Variants in CTNNA2 observed in about 807,000 individuals in gnomAD.
CTNNA2 encodes the protein catenin alpha-2.
A neutral mutation model predicts 101.0 loss-of-function variants in CTNNA2; 42 were observed. The ratio of observed to expected loss-of-function variants is 0.42; its 90% CI spans 0.32 to 0.54. The LOEUF is 0.54. Among genes scored for constraint, CTNNA2 ranks in the 20% least tolerant of loss-of-function variants. The probability of loss-of-function intolerance (pLI) is 0.14; values close to 1 mark genes in which losing one functional copy is unlikely to be tolerated. For synonymous variants in CTNNA2, 450 were observed against 456.4 expected, an observed-to-expected ratio of 0.99 and a Z score of 0.18; for missense variants, 871 against 1,223.1, an observed-to-expected ratio of 0.71 and a Z score of 4.29.
At position 79,858,089 on chromosome 2, in the gene CTNNA2, G is replaced by A; in HGVS notation, c.375G>A (p.Arg125=). The change falls in exon 4 of 19, where the codon CGG becomes CGA. Residue 125 remains arginine (R), a synonymous_variant. Coordinates refer to ENST00000402739, the MANE Select transcript of CTNNA2 (RefSeq NM_001282597.3). ...CSSVKRGTMV[R]AARALLSAVT... ...CGGTAAAGCGCGGCACCATGGTACG[G>A]GCGGCAAGGGCTTTGCTCTCCGCGG... The A allele has an allele frequency of 6.2e-7, 1 of 1,614,078 alleles. No individual in the cohort carries two copies.
rs138561856 is a variant in CTNNA2, at chr2:80,013,189, A to G, written c.1056+103392A>G. On this transcript the variant is annotated intron_variant, in intron 7 of 18. Coordinates refer to ENST00000402739, the MANE Select transcript of CTNNA2 (RefSeq NM_001282597.3). ...TAAAAAAGAAAAAAAAGTCCAAAAC[A>G]GTCTCAAAGAGGCCTGCAAACCCCT... Among the ~76,000 whole-genome samples, 361 of 152,228 alleles carry G rather than the reference A, an allele frequency of 2.4e-3. 3 individuals are homozygous for G. Among genetic ancestry groups the G allele is most frequent in the African/African-American group, 7.8e-3 (324 of 41,548 alleles).
intron 7 of CTNNA2, among the ~76,000 whole-genome samples, chr2:80,090,802 A>C (rs1224704901): frequency 6.6e-6 from 1 of 152,080 alleles, no homozygotes; most frequent in Admixed American, 6.6e-5. Context: ...TCACATAATG[A>C]ATTGAGCCTG....
At chr2:80,502,383 T>G (rs1687943452) in intron 9 of CTNNA2, among the ~76,000 whole-genome samples, 1 of 152,174 alleles carries the variant, frequency 6.6e-6, no homozygotes, top group South Asian at 2.1e-4. Context: ...TCCTTTTTCT[T>G]CCCAGAGTCC....
chr2:79,243,946 ACCTTT>A (rs1209568005), intron 2 of CTNNA2, among the ~76,000 whole-genome samples: 1 of 152,122 alleles, frequency 6.6e-6, no homozygotes, highest in African/African-American at 2.4e-5. Flanking sequence ...AGCTGCTTAT[ACCTTT>A]CCTTTCTGTT....
intron 7 of CTNNA2, among the ~76,000 whole-genome samples, chr2:80,238,929 T>G (rs1288587306): frequency 6.6e-6 from 1 of 152,196 alleles, no homozygotes; most frequent in Admixed American, 6.5e-5. Flanking sequence ...CTGGGAGGCT[T>G]AATATAGTCC....
chr2:80,420,733 G>A (rs941421727), intron 9 of CTNNA2, among the ~76,000 whole-genome samples: 5 of 151,968 alleles, frequency 3.3e-5, no homozygotes, highest in African/African-American at 7.3e-5. Context: ...CAGGTGCCTC[G>A]GGCTGAAGTC....
intron 2 of CTNNA2, among the ~76,000 whole-genome samples, chr2:79,715,329 G>A (rs2104831133): frequency 6.6e-6 from 1 of 152,090 alleles, no homozygotes; most frequent in East Asian, 1.9e-4. Context: ...GGACTGTCAT[G>A]GAAAAGCACT....
At chr2:80,542,244 T>C (rs1691631231) in intron 9 of CTNNA2, among the ~76,000 whole-genome samples, 2 of 111,336 alleles carry the variant, frequency 1.8e-5, no homozygotes, top group African/African-American at 8.3e-5. Context: ...TTTATTTACA[T>C]ATTTATGTGT....
intron 12 of CTNNA2, among the ~76,000 whole-genome samples, chr2:80,572,273 C>T (rs941911609): frequency 3.3e-5 from 5 of 152,170 alleles, no homozygotes; most frequent in Admixed American, 3.3e-4. Context: ...GTGTATTTAT[C>T]AGCAATATGG....
intron 9 of CTNNA2, among the ~76,000 whole-genome samples, chr2:80,500,002 G>A (rs1687755660): frequency 6.6e-6 from 1 of 150,540 alleles, no homozygotes; most frequent in Non-Finnish European, 1.5e-5. Context: ...ACAAATCCTT[G>A]CCATGTAAGT....
chr2:79,921,925 A>G (rs1232927754), intron 7 of CTNNA2, among the ~76,000 whole-genome samples: 1 of 152,160 alleles, frequency 6.6e-6, no homozygotes, highest in Non-Finnish European at 1.5e-5. Context: ...TTAAAAACAC[A>G]TATTCCAGGT....
chr2:79,716,523 C>T (rs1000261268), intron 2 of CTNNA2, among the ~76,000 whole-genome samples: 4 of 152,150 alleles, frequency 2.6e-5, no homozygotes, highest in Non-Finnish European at 1.5e-5. Flanking sequence ...GTGTTCTCAT[C>T]GTTCAGCTCC....
chr2:80,580,397 C>G (rs1695425117), intron 13 of CTNNA2, among the ~76,000 whole-genome samples: 1 of 152,086 alleles, frequency 6.6e-6, no homozygotes, highest in African/African-American at 2.4e-5. Context: ...AATTTTATAA[C>G]TTCAGTTCTT....
intron 7 of CTNNA2, among the ~76,000 whole-genome samples, chr2:80,147,617 C>T (rs1428077620): frequency 2.0e-5 from 3 of 152,136 alleles, no homozygotes; most frequent in African/African-American, 4.8e-5. Flanking sequence ...TCAGCAAAGT[C>T]CTGTTGAGAT....
At chr2:79,877,574 G>C (rs1014539660) in intron 6 of CTNNA2, among the ~76,000 whole-genome samples, 1 of 151,988 alleles carries the variant, frequency 6.6e-6, no homozygotes, top group Non-Finnish European at 1.5e-5. Context: ...ACTTGAAATT[G>C]ATTTTGAATT....
At chr2:80,198,587 A>T (rs771383282) in intron 7 of CTNNA2, among the ~76,000 whole-genome samples, 1 of 152,142 alleles carries the variant, frequency 6.6e-6, no homozygotes, top group African/African-American at 2.4e-5. Context: ...TCAACATTCA[A>T]TGTGTGAGAC....
chr2:80,103,434 T>C (rs888802346), intron 7 of CTNNA2, among the ~76,000 whole-genome samples: 3 of 152,188 alleles, frequency 2.0e-5, no homozygotes, highest in Non-Finnish European at 4.4e-5. Flanking sequence ...CCGTATTACC[T>C]TTTTATAAGC....
At chr2:79,615,994 C>A (rs1678591728) in intron 1 of CTNNA2, among the ~76,000 whole-genome samples, 1 of 152,154 alleles carries the variant, frequency 6.6e-6, no homozygotes, top group African/African-American at 2.4e-5. Flanking sequence ...AGCACTGTGA[C>A]AGAGAGAAGA....
At chr2:79,919,889 G>C (rs536325837) in intron 7 of CTNNA2, among the ~76,000 whole-genome samples, 1 of 152,224 alleles carries the variant, frequency 6.6e-6, no homozygotes, top group Admixed American at 6.5e-5. Flanking sequence ...TTCACTGGTT[G>C]GTGATGTCTC....
Sources: gnomAD v4.1 joint callset for allele counts (sites outside exome capture counted in the v4.1 genomes callset) on GRCh38, gnomAD v4.1.1 for gene constraint, MANE v1.5 for transcripts, NCBI Gene and HGNC (gene_info 2026-07-23, HGNC 2026-07-21) for gene names.